The following PDE1A variants were observed in gnomAD, a reference collection of about 807,000 sequenced individuals.
The protein encoded by PDE1A is dual specificity calcium/calmodulin-dependent 3',5'-cyclic nucleotide phosphodiesterase 1A.
Under a neutral mutation model 61.7 loss-of-function variants are expected in PDE1A, and 35 were observed. The ratio of observed to expected loss-of-function variants is 0.57; its 90% CI spans 0.43 to 0.75. PDE1A has a LOEUF of 0.75. PDE1A is among the 30% of genes least tolerant of loss of function. The probability of loss-of-function intolerance (pLI) is 0.00; values close to 1 mark genes in which losing one functional copy is unlikely to be tolerated. For missense variants in PDE1A, 597 were observed against 630.6 expected, an observed-to-expected ratio of 0.95 and a Z score of 0.57; for synonymous variants, 232 against 213.2, an observed-to-expected ratio of 1.09 and a Z score of -0.77.
chr2:182,604,832 C>CT, the PDE1A span, among the ~76,000 whole-genome samples: 4 of 152,016 alleles, frequency 2.6e-5, no homozygotes, highest in Admixed American at 6.6e-5. Flanking sequence ...GATTGTTACT[C>CT]TTTTTTTAAC....
At chr2:182,679,421 G>C in the PDE1A span, among the ~76,000 whole-genome samples, 4 of 131,606 alleles carry the variant, frequency 3.0e-5, no homozygotes, top group African/African-American at 8.7e-5. Context: ...GGCTGGTCTT[G>C]AAATCCTAAC....
the PDE1A span, among the ~76,000 whole-genome samples, chr2:182,608,473 T>A: frequency 6.6e-6 from 1 of 152,254 alleles, no homozygotes; most frequent in South Asian, 2.1e-4. Context: ...GAGGCGCAGG[T>A]GGGAACCTGG....
At chr2:182,261,439 GTAT>G (rs1429802077) in intron 2 of PDE1A, among the ~76,000 whole-genome samples, 1 of 152,128 alleles carries the variant, frequency 6.6e-6, no homozygotes, top group African/African-American at 2.4e-5. Flanking sequence ...CAAATGTGGG[GTAT>G]TATTATTAAT....
At chr2:182,259,366 G>T (rs894919234) in intron 2 of PDE1A, among the ~76,000 whole-genome samples, 1 of 152,054 alleles carries the variant, frequency 6.6e-6, no homozygotes, top group Non-Finnish European at 1.5e-5. Flanking sequence ...GGAAGCATTT[G>T]TTACCTTTAT....
At chr2:182,451,119 C>A (rs1685488007) in intron 2 of PDE1A, among the ~76,000 whole-genome samples, 3 of 18,282 alleles carry the variant, frequency 1.6e-4, no homozygotes, top group Non-Finnish European at 2.2e-4. Context: ...TGGCTCACGC[C>A]TGTAATCCCA....
chr2:182,298,484 T>A (rs1332730497), intron 1 of PDE1A, among the ~76,000 whole-genome samples: 1 of 152,066 alleles, frequency 6.6e-6, no homozygotes, highest in Non-Finnish European at 1.5e-5. Context: ...CCATGATATG[T>A]GGGATGGGGA....
chr2:182,154,906 C>T (rs887899581), intron 13 of PDE1A, among the ~76,000 whole-genome samples: 7 of 151,904 alleles, frequency 4.6e-5, no homozygotes, highest in East Asian at 1.9e-4. Context: ...CATAATACTA[C>T]TACTAACAAA....
intron 2 of PDE1A, among the ~76,000 whole-genome samples, chr2:182,516,619 C>G (rs1414118391): frequency 6.9e-6 from 1 of 145,538 alleles, no homozygotes; most frequent in Non-Finnish European, 1.5e-5. Flanking sequence ...CACCACTGCA[C>G]CAGAGTGAGA....
At chr2:182,269,238 G>A (rs1692841374) in intron 1 of PDE1A, among the ~76,000 whole-genome samples, 3 of 151,962 alleles carry the variant, frequency 2.0e-5, no homozygotes. Flanking sequence ...GACTTCTCTG[G>A]TAAATTTTGG....
At chr2:182,143,706 G>A (rs913757037), downstream of PDE1A, among the ~76,000 whole-genome samples, 2 of 152,002 alleles carry the variant, frequency 1.3e-5, no homozygotes, top group Non-Finnish European at 2.9e-5. Context: ...TAGTAGACAC[G>A]GGGTTTCACC....
chr2:182,695,936 G>A, the PDE1A span, among the ~76,000 whole-genome samples: 1 of 152,120 alleles, frequency 6.6e-6, no homozygotes, highest in Non-Finnish European at 1.5e-5. Flanking sequence ...TATCAGAATG[G>A]CCAAAATCCA....
chr2:182,639,594 C>A, the PDE1A span, among the ~76,000 whole-genome samples: 1 of 151,866 alleles, frequency 6.6e-6, no homozygotes, highest in Non-Finnish European at 1.5e-5. Flanking sequence ...TAAAAACTAT[C>A]ATCTAAATGA....
intron 1 of PDE1A, among the ~76,000 whole-genome samples, chr2:182,328,752 G>A (rs973004115): frequency 6.6e-6 from 1 of 152,124 alleles, no homozygotes; most frequent in African/African-American, 2.4e-5. Flanking sequence ...TTCCATGGGG[G>A]AACCACCATG....
At chr2:182,450,422 C>T (rs1192475910) in intron 2 of PDE1A, among the ~76,000 whole-genome samples, 1 of 152,080 alleles carries the variant, frequency 6.6e-6, no homozygotes, top group Non-Finnish European at 1.5e-5. Flanking sequence ...CAATTTATGA[C>T]TCCACCTCAT....
intron 2 of PDE1A, among the ~76,000 whole-genome samples, chr2:182,506,002 G>A (rs1412504580): frequency 1.3e-5 from 2 of 152,162 alleles, no homozygotes; most frequent in Admixed American, 6.6e-5. Context: ...GGGAAGTACT[G>A]GAAATTTTTC....
At chr2:182,260,378 G>A (rs1410772255) in intron 2 of PDE1A, among the ~76,000 whole-genome samples, 1 of 152,098 alleles carries the variant, frequency 6.6e-6, no homozygotes, top group Non-Finnish European at 1.5e-5. Context: ...CATAATCTCT[G>A]TTTTACTGAT....
At chr2:182,410,763 TC>T (rs1396122618) in intron 1 of PDE1A, among the ~76,000 whole-genome samples, 1 of 152,202 alleles carries the variant, frequency 6.6e-6, no homozygotes, top group African/African-American at 2.4e-5. Context: ...CTTTAATTGT[TC>T]TTCACAGTTG....
At chr2:182,243,550 A>G (rs1405832490) in intron 2 of PDE1A, among the ~76,000 whole-genome samples, 3 of 152,218 alleles carry the variant, frequency 2.0e-5, no homozygotes, top group Non-Finnish European at 2.9e-5. Context: ...AGGCAAACAT[A>G]GGTATAAGTA....
intron 3 of PDE1A, among the ~76,000 whole-genome samples, chr2:182,235,217 C>A (rs772125016): frequency 2.2e-4 from 33 of 152,268 alleles, no homozygotes; most frequent in Middle Eastern, 6.8e-3. Context: ...GATCTGTGCT[C>A]AATGCAAGCT....
Sources: gnomAD v4.1 joint callset for allele counts (sites outside exome capture counted in the v4.1 genomes callset) on GRCh38, gnomAD v4.1.1 for gene constraint, MANE v1.5 for transcripts, NCBI Gene and HGNC (gene_info 2026-07-23, HGNC 2026-07-21) for gene names.